TUB: variants seen among roughly 807,000 people sequenced by gnomAD.
TUB encodes the protein TUB bipartite transcription factor.
Under a neutral mutation model 59.7 loss-of-function variants are expected in TUB, and 33 were observed. The observed-to-expected ratio is 0.55, with a 90% CI of 0.42 to 0.74. The LOEUF (loss-of-function observed/expected upper bound fraction) is 0.74, where lower values mean the gene tolerates loss of function less well. TUB is among the 30% of genes least tolerant of loss of function. The pLI is 0.00. For missense variants in TUB, 659 were observed against 672.0 expected (o/e 0.98, Z 0.21); for synonymous variants, 293 against 256.4 (o/e 1.14, Z -1.36).
In TUB at chr11:8,095,642, T is replaced by A. The variant is rs1435820510; in HGVS notation, c.542T>A (p.Leu181His). ...GGCGAACGGCCCAGCGGGCAGGATC[T>A]CCGTGCCACGATGCAGAGGAAGGGT... Reference protein sequence around the residue: ...GGGERPSGQDLRATMQRKGIS... With the variant: ...GGGERPSGQDHRATMQRKGIS... The change falls in exon 5 of 12, where the codon CTC becomes CAC. Residue 181 changes from leucine (L) to histidine (H), a missense_variant. Coordinates refer to ENST00000299506, the MANE Select transcript of TUB (RefSeq NM_177972.3). The A allele has an allele frequency of 1.2e-6, 2 of 1,605,928 alleles. No individual in the cohort carries two copies. The highest frequency in any genetic ancestry group is 2.7e-5 in the African/African-American group (2 of 74,890).
At chr11:8,063,110 G>A (rs937036627) in intron 2 of TUB, among the ~76,000 whole-genome samples, 4 of 152,156 alleles carry the variant, frequency 2.6e-5, no homozygotes, top group African/African-American at 9.7e-5. Flanking sequence ...TCTGTCTCAG[G>A]GCCCAGCGCC....
chr11:8,098,909 A>T (rs775284621), intron 9 of TUB, 34 bp downstream of exon 9: 1 of 1,493,184 alleles, frequency 6.7e-7, no homozygotes, highest in Non-Finnish European at 9.3e-7. Flanking sequence ...CTGATTTCCA[A>T]GGTAGATATG....
chr11:8,072,971 A>G (rs926867219), intron 2 of TUB, among the ~76,000 whole-genome samples: 1 of 152,246 alleles, frequency 6.6e-6, no homozygotes, highest in Non-Finnish European at 1.5e-5. Flanking sequence ...GAGAACGTTT[A>G]GTGCTAAAAG....
intron 9 of TUB, among the ~76,000 whole-genome samples, chr11:8,099,334 A>G (rs1050908211): frequency 2.0e-5 from 3 of 152,178 alleles, no homozygotes; most frequent in Non-Finnish European, 4.4e-5. Flanking sequence ...CTCAAAAACG[A>G]CCAAACTGGA....
intron 5 of TUB, 84 bp downstream of exon 5, chr11:8,095,749 C>T: frequency 6.9e-7 from 1 of 1,440,484 alleles, no homozygotes; most frequent in Non-Finnish European, 9.4e-7. Flanking sequence ...CATGGCCTTC[C>T]TGTGTCCAAA....
intron 6 of TUB, 128 bp from the exon 7 acceptor site, chr11:8,097,100 C>A: frequency 3.7e-6 from 4 of 1,072,232 alleles, no homozygotes; most frequent in Non-Finnish European, 5.4e-6. Flanking sequence ...CCAGGCTGGC[C>A]AGGCCCCAAT....
intron 9 of TUB, among the ~76,000 whole-genome samples, chr11:8,100,238 G>A (rs7950876): frequency 0.021 from 3,253 of 152,256 alleles, 113 homozygotes; most frequent in African/African-American, 0.072. Flanking sequence ...GAGAGGACTC[G>A]AGTGTGACCA....
Position 8,099,215 on chromosome 11 carries a change from A to G in TUB, c.1116+340A>G, listed in dbSNP as rs80258239. Among the ~76,000 whole-genome samples the G allele has an allele frequency of 1.7e-3, 257 of 152,212 alleles. 2 individuals are homozygous for G. The highest frequency in any genetic ancestry group is 6.1e-3 in the African/African-American group (253 of 41,514). On this transcript the variant is annotated intron_variant, in intron 9 of 11. Transcript: ENST00000299506. ...TCATCCCTCTGGCATGCCAGGTTCTACATGGATTACACGGCACTTTGTCAT... is the reference window on the plus strand; with the variant it reads ...TCATCCCTCTGGCATGCCAGGTTCTGCATGGATTACACGGCACTTTGTCAT...
upstream of TUB, among the ~76,000 whole-genome samples, chr11:8,038,280 T>C (rs1942680693): frequency 6.6e-6 from 1 of 151,482 alleles, no homozygotes; most frequent in Admixed American, 6.6e-5. Context: ...AATGTAAGAG[T>C]TGTGGGAGAT....
chr11:8,097,571 TTGTGTTTTCCAGTGCATTTGTG>T, intron 7 of TUB, 121 bp from the exon 8 acceptor site: 3 of 1,337,764 alleles, frequency 2.2e-6, no homozygotes, highest in Non-Finnish European at 3.2e-6. Context: ...GTGCACATCT[TTGTGTTTTCCAGTGCATTTGTG>T]TGTGTGCACA....
At chr11:8,092,350 G>A (rs924255977) in intron 3 of TUB, among the ~76,000 whole-genome samples, 1 of 152,114 alleles carries the variant, frequency 6.6e-6, no homozygotes, top group African/African-American at 2.4e-5. Flanking sequence ...GAGCCCAGGA[G>A]TTCAAGACTG....
At chr11:8,090,300 G>A in intron 3 of TUB, 69 bp downstream of exon 3, 1 of 1,577,478 alleles carries the variant, frequency 6.3e-7, no homozygotes, top group Non-Finnish European at 8.6e-7. Flanking sequence ...GCCCACCTAG[G>A]CAGGTGCGGA....
chr11:8,024,942 C>T (rs1201372408), intron 1 of TUB, among the ~76,000 whole-genome samples: 3 of 152,192 alleles, frequency 2.0e-5, no homozygotes, highest in Admixed American at 2.0e-4. Flanking sequence ...TAAATTATTG[C>T]TTATATGGCT....
At chr11:8,060,322 C>T (rs1439380650) in intron 2 of TUB, among the ~76,000 whole-genome samples, 3 of 152,160 alleles carry the variant, frequency 2.0e-5, no homozygotes, top group South Asian at 4.1e-4. Context: ...CAGGTCCCTC[C>T]GTACAGGAAA....
intron 1 of TUB, among the ~76,000 whole-genome samples, chr11:8,086,310 G>A (rs1367070561): frequency 2.0e-5 from 3 of 152,308 alleles, no homozygotes; most frequent in East Asian, 1.9e-4. Context: ...CTGGGGAAGC[G>A]TCGGTGAGAA....
At chr11:8,063,894 T>C (rs987332987) in intron 2 of TUB, among the ~76,000 whole-genome samples, 16 of 152,250 alleles carry the variant, frequency 1.1e-4, no homozygotes, top group Non-Finnish European at 1.9e-4. Flanking sequence ...ATTTACTTTC[T>C]TTTTTCTCAT....
At chr11:8,071,480 TG>T (rs757866368) in intron 2 of TUB, among the ~76,000 whole-genome samples, 63 of 152,256 alleles carry the variant, frequency 4.1e-4, no homozygotes, top group Admixed American at 7.2e-4. Context: ...TATAGGAGGC[TG>T]GGGACTTAGG....
intron 2 of TUB, among the ~76,000 whole-genome samples, chr11:8,051,798 A>G (rs183711486): frequency 3.3e-5 from 5 of 152,338 alleles, no homozygotes; most frequent in Admixed American, 2.0e-4. Flanking sequence ...AACATGTTCT[A>G]CTTAACAGTT....
At position 8,100,512 on chromosome 11, in the gene TUB, G is replaced by A. The variant is rs75594955; in HGVS notation, c.1126G>A (p.Val376Ile). The A allele has an allele frequency of 8.1e-3, 13,121 of 1,614,018 alleles. 64 individuals carry two copies. The highest frequency in any genetic ancestry group is 9.7e-3 in the Non-Finnish European group (11,409 of 1,179,968). ...ELAAVCYETN[V>I]LGFKGPRKMS... ...GCGTTCTCTTTCCCAGGAGACAAAC[G>A]TCTTAGGCTTCAAGGGGCCTCGGAA... The change falls in exon 10 of 12, where the codon GTC (valine) becomes ATC (isoleucine). Residue 376 changes from valine to isoleucine, a missense_variant. Coordinates refer to ENST00000299506, the MANE Select transcript of TUB (RefSeq NM_177972.3).
Sources: gnomAD v4.1 joint callset for allele counts (sites outside exome capture counted in the v4.1 genomes callset) on GRCh38, gnomAD v4.1.1 for gene constraint, MANE v1.5 for transcripts, NCBI Gene and HGNC (gene_info 2026-07-23, HGNC 2026-07-21) for gene names.